The following FAM193A variants were observed in gnomAD, a reference collection of about 807,000 sequenced individuals.
FAM193A encodes family with sequence similarity 193 member A, also known as protein FAM193A.
Under a neutral mutation model 126.5 loss-of-function variants are expected in FAM193A, and 22 were observed. That is an observed-to-expected ratio of 0.17 (90% CI 0.12 to 0.25). The LOEUF is 0.25. Ranked by LOEUF, FAM193A falls within the 10% of genes least tolerant of loss-of-function variation. The pLI is 1.00. For missense variants in FAM193A, 1,675 were observed against 1,672.8 expected (o/e 1.00, Z -0.02); for synonymous variants, 761 against 646.8 (o/e 1.18, Z -2.68).
intron 12 of FAM193A, among the ~76,000 whole-genome samples, chr4:2,669,367 G>T (rs1713526162): frequency 6.6e-6 from 1 of 152,102 alleles, no homozygotes; most frequent in Non-Finnish European, 1.5e-5. Context: ...CCAGCACTTT[G>T]GGAGGCAGAG....
chr4:2,709,981 A>G (rs902596989), intron 19 of FAM193A, among the ~76,000 whole-genome samples: 18 of 152,102 alleles, frequency 1.2e-4, no homozygotes, highest in Admixed American at 1.2e-3. Flanking sequence ...ATTTGCATAG[A>G]TGTCTGCAAG....
chr4:2,555,275 CTATATGTCATGGGCCTG>C (rs1402645464), intron 1 of FAM193A, among the ~76,000 whole-genome samples: 1 of 152,114 alleles, frequency 6.6e-6, no homozygotes, highest in Non-Finnish European at 1.5e-5. Context: ...TCATAGGCCT[CTATATGTCATGGGCCTG>C]TATAACATTT....
chr4:2,679,000 CTGTTAT>C (rs971453030), intron 13 of FAM193A, among the ~76,000 whole-genome samples: 35 of 152,260 alleles, frequency 2.3e-4, no homozygotes, highest in African/African-American at 8.2e-4. Flanking sequence ...TGCCTTGTTC[CTGTTAT>C]TTAAGGAAAA....
intron 4 of FAM193A, among the ~76,000 whole-genome samples, chr4:2,627,899 C>T (rs1261146815): frequency 7.9e-5 from 12 of 152,056 alleles, no homozygotes; most frequent in Non-Finnish European, 1.5e-4. Context: ...CCCACTACCA[C>T]GCCCAGCTAA....
At chr4:2,655,461 G>C (rs34560825) in intron 7 of FAM193A, among the ~76,000 whole-genome samples, 9,487 of 152,080 alleles carry the variant, frequency 0.062, 490 homozygotes, top group African/African-American at 0.14. Context: ...GTGTGTGTGT[G>C]TGTGTATTCG....
intron 1 of FAM193A, among the ~76,000 whole-genome samples, chr4:2,591,453 AG>A (rs936871590): frequency 2.8e-4 from 42 of 152,074 alleles, no homozygotes; most frequent in Admixed American, 2.7e-3. Flanking sequence ...CAGGAGATGG[AG>A]GGCATGTGGG....
intron 1 of FAM193A, among the ~76,000 whole-genome samples, chr4:2,552,481 C>T (rs921285814): frequency 2.0e-5 from 3 of 151,516 alleles, no homozygotes; most frequent in Non-Finnish European, 4.4e-5. Context: ...ATGCTATAAA[C>T]GTCTCTCTGA....
chr4:2,548,712 C>T (rs928483116), intron 1 of FAM193A, among the ~76,000 whole-genome samples: 1 of 151,874 alleles, frequency 6.6e-6, no homozygotes. Context: ...CGGCCTCAGC[C>T]TCCCAAAGTG....
At chr4:2,615,746 T>C (rs370703278) in intron 2 of FAM193A, among the ~76,000 whole-genome samples, 1 of 152,236 alleles carries the variant, frequency 6.6e-6, no homozygotes, top group South Asian at 2.1e-4. Context: ...CTTGATCTCC[T>C]GACCTCGTGA....
Position 2,690,797 on chromosome 4 carries a change from A to G in FAM193A, c.2630A>G (p.Lys877Arg), listed in dbSNP as rs994230709. Residue 877 changes from lysine (K) to arginine (R), a missense_variant, in exon 15 of 21, where the codon AAA becomes AGA. Lys to Arg is a conservative substitution (Grantham distance 26). Around this residue, in one of 4 missense-constraint regions of FAM193A, gnomAD observed 1,186 missense variants for 1,109.2 expected, o/e 1.07. Coordinates refer to ENST00000637812, the MANE Select transcript of FAM193A (RefSeq NM_001366318.2). ...ETPAVSDSKE[K>R]KNAAKKKCLY... ...CCTGCAGTCTCGGATAGTAAAGAGAAAAAGAATGCTGCAAAAAAGAAATGT... is the reference window on the plus strand; with the variant it reads ...CCTGCAGTCTCGGATAGTAAAGAGAGAAAGAATGCTGCAAAAAAGAAATGT... 24 of 1,614,094 alleles carry G rather than the reference A, an allele frequency of 1.5e-5. No individual in the cohort carries two copies. The highest frequency in any genetic ancestry group is 1.9e-5 in the Non-Finnish European group (23 of 1,180,052).
intron 20 of FAM193A, among the ~76,000 whole-genome samples, chr4:2,716,755 C>T (rs1031369018): frequency 2.0e-5 from 3 of 152,186 alleles, no homozygotes; most frequent in Non-Finnish European, 4.4e-5. Context: ...CAGCTCACTG[C>T]AACCTCTGCC....
Position 2,700,059 on chromosome 4 carries a change from C to A in FAM193A, c.3887C>A (p.Ala1296Asp). 6.2e-7 allele frequency: 1 copy of A among 1,613,952 alleles called. No homozygotes were observed. Reference sequence around the variant, plus strand: ...CCAGGGCTAGGGGCTGATGGGGATGCTGCAGACCCCGTCGACACCAGAGAC... The same window carrying A: ...CCAGGGCTAGGGGCTGATGGGGATGATGCAGACCCCGTCGACACCAGAGAC... ...PRPGLGADGD[A>D]ADPVDTRDSK... is the part of the protein sequence containing the mutation. Residue 1296 changes from alanine (A) to aspartate (D), a missense_variant, in exon 19 of 21, where the codon GCT becomes GAT. Physicochemically the swap from Ala to Asp is moderately radical, Grantham distance 126. Transcript: ENST00000637812.
At position 2,732,129 on chromosome 4, in the gene FAM193A, A is replaced by C; in HGVS notation, c.*261A>C. The C allele has an allele frequency of 2.0e-6, 1 of 498,874 alleles. No individual in the cohort carries two copies. Among genetic ancestry groups the C allele is most frequent in the South Asian group, 2.2e-5 (1 of 46,162 alleles). The allele number at this position is 498,874 out of a possible 1,614,324, so 30.9% of individuals were successfully genotyped here. The stretch of plus-strand genomic sequence containing the variant: ...GTAGTTCCCGCCAAGTCCTCCCACC[A>C]CCGCGGCCTCGGAGGCCTGGGCCGT... On this transcript the variant is annotated 3_prime_UTR_variant, in exon 21 of 21. Transcript: ENST00000637812.
chr4:2,716,488 G>A (rs112826950), intron 20 of FAM193A, among the ~76,000 whole-genome samples: 25 of 152,138 alleles, frequency 1.6e-4, no homozygotes, highest in African/African-American at 5.5e-4. Context: ...GGAAGGGGCC[G>A]GCATCTACGT....
At chr4:2,614,439 C>G (rs1742066313) in intron 2 of FAM193A, among the ~76,000 whole-genome samples, 1 of 151,980 alleles carries the variant, frequency 6.6e-6, no homozygotes, top group Admixed American at 6.6e-5. Flanking sequence ...GTTGGAAAAC[C>G]TTGCATTCCT....
At chr4:2,579,485 C>G (rs1739797969) in intron 1 of FAM193A, among the ~76,000 whole-genome samples, 1 of 152,094 alleles carries the variant, frequency 6.6e-6, no homozygotes, top group African/African-American at 2.4e-5. Flanking sequence ...ATCACTTAAA[C>G]CCAGGCGTTG....
At chr4:2,625,431 C>T in intron 3 of FAM193A, 36 bp downstream of exon 3, 1 of 679,036 alleles carries the variant, frequency 1.5e-6, no homozygotes, top group South Asian at 1.5e-5. Flanking sequence ...TCACACCTGT[C>T]CACAATGACA....
At chr4:2,612,715 G>C (rs1463153358) in intron 2 of FAM193A, among the ~76,000 whole-genome samples, 5 of 152,084 alleles carry the variant, frequency 3.3e-5, no homozygotes. Flanking sequence ...TGGGACCTTT[G>C]TCAAAAATCA....
At chr4:2,726,329 A>C (rs1284884931) in intron 20 of FAM193A, among the ~76,000 whole-genome samples, 1 of 152,218 alleles carries the variant, frequency 6.6e-6, no homozygotes, top group Non-Finnish European at 1.5e-5. Context: ...GTGAGCCACC[A>C]AGCCTGGCCC....
Sources: allele counts gnomAD v4.1 joint callset (sites outside exome capture counted in the v4.1 genomes callset), GRCh38; gene constraint gnomAD v4.1.1; regional missense constraint gnomAD v4.1.1; transcripts MANE v1.5; gene names NCBI Gene and HGNC (gene_info 2026-07-23, HGNC 2026-07-21).